The following TLE4 variants were observed in gnomAD, a reference collection of about 807,000 sequenced individuals.
The protein encoded by TLE4 is transducin-like enhancer protein 4.
TLE4 carries 8 observed loss-of-function variants against 92.8 expected under a neutral mutation model. That is an observed-to-expected ratio of 0.09 (90% confidence interval 0.05 to 0.16). The LOEUF is 0.16. Ranked by LOEUF, TLE4 falls within the 10% of genes least tolerant of loss-of-function variation. TLE4 has a pLI of 1.00. For synonymous variants in TLE4, 371 were observed against 374.1 expected (o/e 0.99, Z 0.10); for missense variants, 675 against 997.6 (o/e 0.68, Z 4.36).
chr9:79,614,739 C>T (rs1431441073), intron 5 of TLE4, among the ~76,000 whole-genome samples: 1 of 152,160 alleles, frequency 6.6e-6, no homozygotes, highest in African/African-American at 2.4e-5. Flanking sequence ...CCCAGGATAG[C>T]TTTGAAAGTG....
intron 8 of TLE4, among the ~76,000 whole-genome samples, chr9:79,683,258 T>C (rs1360333173): frequency 1.3e-5 from 2 of 152,210 alleles, no homozygotes; most frequent in African/African-American, 4.8e-5. Context: ...TCTTCAAGAG[T>C]TGGCTGACTC....
At chr9:79,612,621 C>G (rs747175567) in intron 4 of TLE4, 35 bp from the exon 5 acceptor site, 1 of 1,584,392 alleles carries the variant, frequency 6.3e-7, no homozygotes, top group East Asian at 2.2e-5. Context: ...GCTGACTGTT[C>G]TCTTTATTGC....
At chr9:79,675,960 T>C (rs1407383044) in intron 8 of TLE4, among the ~76,000 whole-genome samples, 1 of 152,112 alleles carries the variant, frequency 6.6e-6, no homozygotes, top group East Asian at 1.9e-4. Flanking sequence ...GAGCGTCAGG[T>C]TGGTGCTCCA....
chr9:79,723,187 T>A, intron 19 of TLE4, 152 bp downstream of exon 19: 1 of 732,730 alleles, frequency 1.4e-6, no homozygotes, highest in Non-Finnish European at 2.2e-6. Flanking sequence ...AAGGAGAGGT[T>A]AAGTGTCACA....
At chr9:79,678,757 G>T (rs973462586) in intron 8 of TLE4, among the ~76,000 whole-genome samples, 2 of 151,814 alleles carry the variant, frequency 1.3e-5, no homozygotes, top group Admixed American at 6.6e-5. Flanking sequence ...ATGTCCTAAT[G>T]CTATCCCTCC....
At chr9:79,638,285 T>A (rs1328427091) in intron 6 of TLE4, among the ~76,000 whole-genome samples, 1 of 152,150 alleles carries the variant, frequency 6.6e-6, no homozygotes, top group Non-Finnish European at 1.5e-5. Context: ...TCTTTGAAAT[T>A]ACTTCATTGC....
At position 79,725,696 on chromosome 9, in the gene TLE4, C is replaced by CT. The variant is rs2136337566; in HGVS notation, c.*556dup. The stretch of plus-strand genomic sequence containing the variant: ...TTTTTTTTGTTTTTGTTTTCTACAT[C>CT]TTTTAAAGACTTTTGGAAATTTGGC... On this transcript the variant is annotated 3_prime_UTR_variant, in exon 20 of 20. Transcript: ENST00000376552. 1 of 152,742 alleles carries CT rather than the reference C, an allele frequency of 6.5e-6. No homozygotes were observed. Among genetic ancestry groups the CT allele is most frequent in the African/African-American group, 2.4e-5 (1 of 41,538 alleles). 9.5% of individuals were successfully genotyped at this position (152,742 alleles called of 1,614,324 possible).
intron 6 of TLE4, among the ~76,000 whole-genome samples, chr9:79,638,055 T>C (rs547709313): frequency 1.3e-5 from 2 of 152,132 alleles, no homozygotes. Flanking sequence ...CATTCTAGGA[T>C]GGTTGTTCAG....
intron 4 of TLE4, among the ~76,000 whole-genome samples, chr9:79,588,135 C>CATGTGTGT (rs140229560): frequency 6.8e-6 from 1 of 146,716 alleles, no homozygotes; most frequent in Non-Finnish European, 1.5e-5. Context: ...TTTATCCTTG[C>CATGTGTGT]GTGTGTGTGT....
intron 6 of TLE4, among the ~76,000 whole-genome samples, chr9:79,639,820 G>A (rs1234465777): frequency 6.6e-6 from 1 of 152,134 alleles, no homozygotes; most frequent in East Asian, 1.9e-4. Flanking sequence ...TAATTGCACA[G>A]TAATAAAATT....
At chr9:79,606,187 G>GTTGTTTTTTTTTT (rs2046834923) in intron 4 of TLE4, among the ~76,000 whole-genome samples, 4 of 28,674 alleles carry the variant, frequency 1.4e-4, no homozygotes, top group Non-Finnish European at 2.6e-4. Context: ...AGTAGTAGTT[G>GTTGTTTTTTTTTT]TTTTTTTTTT....
intron 4 of TLE4, among the ~76,000 whole-genome samples, chr9:79,598,103 C>A (rs1221337456): frequency 6.8e-6 from 1 of 147,734 alleles, no homozygotes. Flanking sequence ...AAAAAACTTA[C>A]CCAGGCGTGG....
chr9:79,722,155 CTCTG>C (rs2075753688), intron 17 of TLE4, among the ~76,000 whole-genome samples: 2 of 151,904 alleles, frequency 1.3e-5, no homozygotes, highest in Non-Finnish European at 2.9e-5. Context: ...CAGAGCAAGA[CTCTG>C]TCTGAAAAAC....
chr9:79,642,005 G>T (rs1483738688), intron 6 of TLE4, among the ~76,000 whole-genome samples: 1 of 151,188 alleles, frequency 6.6e-6, no homozygotes. Context: ...ATTAGCGTAT[G>T]TTGCACATAG....
At chr9:79,708,057 G>T in intron 11 of TLE4, 61 bp from the exon 12 acceptor site, 1 of 1,557,436 alleles carries the variant, frequency 6.4e-7, no homozygotes, top group Non-Finnish European at 8.8e-7. Flanking sequence ...CCTTTTTACT[G>T]TTTAACGTCA....
chr9:79,671,922 C>T (rs559640611), intron 8 of TLE4, among the ~76,000 whole-genome samples: 10 of 137,328 alleles, frequency 7.3e-5, no homozygotes, highest in South Asian at 2.3e-4. Context: ...TCAGTTTCTC[C>T]GTTAAAAAAA....
intron 8 of TLE4, among the ~76,000 whole-genome samples, chr9:79,658,240 C>A (rs920812202): frequency 6.6e-6 from 1 of 152,160 alleles, no homozygotes; most frequent in Non-Finnish European, 1.5e-5. Flanking sequence ...TCCACACAAT[C>A]CGCCAATATG....
At chr9:79,622,164 T>C (rs993786269) in intron 5 of TLE4, among the ~76,000 whole-genome samples, 1 of 152,206 alleles carries the variant, frequency 6.6e-6, no homozygotes. Flanking sequence ...CCACTAATAC[T>C]TGGTTCTTTA....
chr9:79,723,114 A>C, intron 19 of TLE4, 79 bp downstream of exon 19: 4 of 1,396,062 alleles, frequency 2.9e-6, no homozygotes, highest in Non-Finnish European at 4.0e-6. Context: ...AATAATGTGC[A>C]GAAGTGTCCT....
Sources: allele counts gnomAD v4.1 joint callset (sites outside exome capture counted in the v4.1 genomes callset), GRCh38; gene constraint gnomAD v4.1.1; transcripts MANE v1.5; gene names NCBI Gene and HGNC (gene_info 2026-07-23, HGNC 2026-07-21).